The following LYPD6B variants were observed in gnomAD, a reference collection of about 807,000 sequenced individuals.
LYPD6B encodes LY6/PLAUR domain containing 6B.
Under a neutral mutation model 22.8 loss-of-function variants are expected in LYPD6B, and 17 were observed. The observed-to-expected ratio is 0.75, with a 90% CI of 0.51 to 1.12. The LOEUF is 1.12. Among genes scored for constraint, LYPD6B ranks in the 50% most tolerant of loss-of-function variants. The pLI, the probability that LYPD6B is intolerant of heterozygous loss-of-function variation, is 0.00. For synonymous variants in LYPD6B, 106 were observed against 91.6 expected, an observed-to-expected ratio of 1.16 and a Z score of -0.90; for missense variants, 221 against 258.3, an observed-to-expected ratio of 0.86 and a Z score of 0.99.
chr2:149,155,896 A>G (rs229317), intron 2 of LYPD6B, among the ~76,000 whole-genome samples: 120,366 of 152,198 alleles, frequency 0.79, 47,871 homozygotes, highest in Non-Finnish European at 0.83. Context: ...AGTGAAGGAA[A>G]AAGCGATTAT....
At chr2:149,209,422 G>C (rs777159371) in intron 5 of LYPD6B, among the ~76,000 whole-genome samples, 2 of 152,160 alleles carry the variant, frequency 1.3e-5, no homozygotes, top group Non-Finnish European at 2.9e-5. Context: ...ATGTGCTGAT[G>C]GATGAATTGA....
chr2:149,193,057 C>G (rs758092540), intron 3 of LYPD6B, among the ~76,000 whole-genome samples: 1 of 152,082 alleles, frequency 6.6e-6, no homozygotes, highest in Non-Finnish European at 1.5e-5. Flanking sequence ...TCTTTGCCAT[C>G]AGTGGATGTG....
chr2:149,090,386 C>A (rs1401442284), intron 1 of LYPD6B, among the ~76,000 whole-genome samples: 1 of 152,138 alleles, frequency 6.6e-6, no homozygotes, highest in African/African-American at 2.4e-5. Flanking sequence ...AGAATGAAAT[C>A]AATGTGCACT....
chr2:149,057,987 T>C (rs577144634), intron 1 of LYPD6B, among the ~76,000 whole-genome samples: 2 of 152,218 alleles, frequency 1.3e-5, no homozygotes, highest in South Asian at 4.2e-4. Flanking sequence ...AGGGAAAGTA[T>C]GGAGGTCCAT....
chr2:149,145,878 C>G (rs1195924216), intron 2 of LYPD6B, among the ~76,000 whole-genome samples: 1 of 152,128 alleles, frequency 6.6e-6, no homozygotes, highest in Non-Finnish European at 1.5e-5. Flanking sequence ...TTTGTTCCTC[C>G]TAGTAGGGGA....
chr2:149,107,751 G>A (rs1478594640), intron 1 of LYPD6B, among the ~76,000 whole-genome samples: 1 of 152,108 alleles, frequency 6.6e-6, no homozygotes, highest in Non-Finnish European at 1.5e-5. Context: ...TGACTTGAAT[G>A]TTTTAAATCT....
chr2:149,078,972 A>C (rs1442756940), intron 1 of LYPD6B, among the ~76,000 whole-genome samples: 1 of 149,448 alleles, frequency 6.7e-6, no homozygotes, highest in Non-Finnish European at 1.5e-5. Context: ...ATGCCACTGC[A>C]CTCCAGCCTG....
At chr2:149,139,085 C>T (rs144902047) in intron 2 of LYPD6B, among the ~76,000 whole-genome samples, 168 of 152,284 alleles carry the variant, frequency 1.1e-3, no homozygotes, top group African/African-American at 3.9e-3. Context: ...TGACATGTAG[C>T]ACCGTGAAGT....
intron 1 of LYPD6B, among the ~76,000 whole-genome samples, chr2:149,049,971 G>A (rs1457461271): frequency 2.6e-5 from 4 of 152,136 alleles, no homozygotes; most frequent in Non-Finnish European, 5.9e-5. Flanking sequence ...TAGATACAAA[G>A]GGGAAATCTA....
chr2:149,048,323 T>C (rs1467734776), intron 1 of LYPD6B, among the ~76,000 whole-genome samples: 1 of 152,194 alleles, frequency 6.6e-6, no homozygotes, highest in African/African-American at 2.4e-5. Flanking sequence ...GAACTGGGTT[T>C]GAGGGTTCTC....
chr2:149,041,410 C>T (rs1264095517), intron 1 of LYPD6B, among the ~76,000 whole-genome samples: 2 of 152,136 alleles, frequency 1.3e-5, no homozygotes, highest in Non-Finnish European at 2.9e-5. Flanking sequence ...AAATTTTCCC[C>T]GAAGTTCCCC....
intron 1 of LYPD6B, among the ~76,000 whole-genome samples, chr2:149,056,055 G>A (rs1208616939): frequency 6.6e-6 from 1 of 152,138 alleles, no homozygotes; most frequent in Non-Finnish European, 1.5e-5. Flanking sequence ...TTCTCCTAGG[G>A]AATATTTCCT....
chr2:149,054,038 A>G (rs10930007), intron 1 of LYPD6B, among the ~76,000 whole-genome samples: 1 of 152,226 alleles, frequency 6.6e-6, no homozygotes, highest in African/African-American at 2.4e-5. Context: ...ACTTTTGACT[A>G]TTACAAATAA....
At position 149,205,254 on chromosome 2, in the gene LYPD6B, T is replaced by C; in HGVS notation, c.79T>C (p.Tyr27His). 1 of 1,609,794 alleles carries C rather than the reference T, an allele frequency of 6.2e-7. No homozygotes were observed. Among genetic ancestry groups the C allele is most frequent in the Non-Finnish European group, 8.5e-7 (1 of 1,178,744 alleles). ...AACCAGTGTGTCTTTTCACCATAGA[T>C]ATAAGAGTTCGGACCGCCCAGCACA... ...SLTTTFSFSR[Y>H]KSSDRPAHKV... The change falls in exon 4 of 7, where the codon TAT (tyrosine) becomes CAT (histidine). Residue 27 changes from tyrosine to histidine, a missense_variant and splice_region_variant. By Grantham distance (83) the Tyr-to-His change is moderately conservative (BLOSUM62 2). Transcript: ENST00000409642.
At chr2:149,139,312 G>A (rs571828921) in intron 2 of LYPD6B, among the ~76,000 whole-genome samples, 8 of 152,290 alleles carry the variant, frequency 5.3e-5, no homozygotes, top group East Asian at 1.9e-4. Context: ...CTCAGGTGTC[G>A]TCAAAGGCTG....
intron 1 of LYPD6B, among the ~76,000 whole-genome samples, chr2:149,066,246 A>G (rs1179331349): frequency 6.6e-6 from 1 of 151,846 alleles, no homozygotes; most frequent in African/African-American, 2.4e-5. Context: ...TTACATATGT[A>G]TACATGTGCC....
chr2:149,051,811 A>G (rs1241457647), intron 1 of LYPD6B, among the ~76,000 whole-genome samples: 1 of 151,954 alleles, frequency 6.6e-6, no homozygotes, highest in Non-Finnish European at 1.5e-5. Flanking sequence ...GATTTCAGGC[A>G]TGTGCCACCA....
At chr2:149,122,388 T>A (rs968848950) in intron 1 of LYPD6B, among the ~76,000 whole-genome samples, 1 of 152,034 alleles carries the variant, frequency 6.6e-6, no homozygotes, top group Non-Finnish European at 1.5e-5. Flanking sequence ...CATTTCTTTT[T>A]TTCTTTTTTT....
At position 149,205,335 on chromosome 2, in the gene LYPD6B, G is replaced by A. The variant is rs201022861; in HGVS notation, c.160G>A (p.Val54Ile). 38 of 1,613,856 alleles carry A rather than the reference G, an allele frequency of 2.4e-5. No individual in the cohort carries two copies. The highest frequency in any genetic ancestry group is 8.3e-5 in the Admixed American group (5 of 60,002). Reference sequence around the variant, plus strand: ...TCTCGCTATAGCTGTTGTCCAGATCGTTATCTTCTCAGAAAGCTGGGCATT... The same window carrying A: ...TCTCGCTATAGCTGTTGTCCAGATCATTATCTTCTCAGAAAGCTGGGCATT... ...HALAIAVVQI[V>I]IFSESWAFAK... Residue 54 changes from valine to isoleucine, a missense_variant, in exon 4 of 7, where the codon GTT becomes ATT. Physicochemically the swap from Val to Ile is conservative, Grantham distance 29. Transcript: ENST00000409642.
Sources: allele counts gnomAD v4.1 joint callset (sites outside exome capture counted in the v4.1 genomes callset), GRCh38; gene constraint gnomAD v4.1.1; transcripts MANE v1.5; gene names NCBI Gene and HGNC (gene_info 2026-07-23, HGNC 2026-07-21).